The following GPR63 variants were observed in gnomAD, a reference collection of about 807,000 sequenced individuals.
GPR63 encodes the protein G protein-coupled receptor 63.
A neutral mutation model predicts 23.1 loss-of-function variants in GPR63; 12 were observed. That is an observed-to-expected ratio of 0.52 (90% CI 0.33 to 0.84). The LOEUF is 0.84. Ranked by LOEUF, GPR63 falls within the 40% of genes least tolerant of loss-of-function variation. The pLI, the probability that GPR63 is intolerant of heterozygous loss-of-function variation, is 0.02. For missense variants in GPR63, 472 were observed against 515.6 expected, an observed-to-expected ratio of 0.92 and a Z score of 0.82; for synonymous variants, 172 against 191.1, an observed-to-expected ratio of 0.90 and a Z score of 0.82.
intron 1 of GPR63, among the ~76,000 whole-genome samples, chr6:96,824,641 T>TA (rs1011144248): frequency 1.5e-5 from 1 of 68,002 alleles, no homozygotes; most frequent in African/African-American, 6.5e-5. Context: ...TTTGAACTTT[T>TA]AAAAAAATGA....
intron 1 of GPR63, among the ~76,000 whole-genome samples, chr6:96,832,970 G>A (rs1233776744): frequency 1.3e-5 from 2 of 152,126 alleles, no homozygotes; most frequent in South Asian, 2.1e-4. Flanking sequence ...TTCAAGAAAT[G>A]AATAATGCAA....
chr6:96,796,557 T>G lies in GPR63; in HGVS notation c.*1915A>C, dbSNP rs1773583356. 6.6e-6 allele frequency: 1 copy of G among 152,202 alleles called. No individual in the cohort carries two copies. The highest frequency in any genetic ancestry group is 2.4e-5 in the African/African-American group (1 of 41,450). 9.4% of individuals were successfully genotyped at this position (152,202 alleles called of 1,614,324 possible). On this transcript the variant is annotated 3_prime_UTR_variant, in exon 2 of 2. Coordinates refer to ENST00000229955, the MANE Select transcript of GPR63 (RefSeq NM_030784.4). ...GCCCTAGATGCACCTGGGGGCAGAC[T>G]GTCAGCAAGAGAAAAACAATTTGAA...
chr6:96,794,630 AT>A lies in GPR63; in HGVS notation c.*3841del, dbSNP rs1773536698. ...TACACATATTAAAAAGGTTATTTTTATTTTACTTCAATGCTTGCATTGAACA... is the reference window on the plus strand; with the variant it reads ...TACACATATTAAAAAGGTTATTTTTATTTACTTCAATGCTTGCATTGAACA... On this transcript the variant is annotated 3_prime_UTR_variant, in exon 2 of 2. Transcript: ENST00000229955. 6.6e-6 allele frequency: 1 copy of A among 152,212 alleles called. No individual in the cohort carries two copies. The highest frequency in any genetic ancestry group is 1.9e-4 in the East Asian group (1 of 5,198). 9.4% of individuals were successfully genotyped at this position (152,212 alleles called of 1,614,324 possible). A position where few individuals can be genotyped will look rare whatever the true frequency, so the allele number is the denominator to read the frequency against.
At chr6:96,831,034 T>G (rs1346009979) in intron 1 of GPR63, among the ~76,000 whole-genome samples, 2 of 152,376 alleles carry the variant, frequency 1.3e-5, no homozygotes, top group South Asian at 2.1e-4. Context: ...CTAAATTTTG[T>G]AAATTTAAAC....
rs1186700984 is a variant in GPR63 at position 96,797,136 on chromosome 6, C to G, written c.*1336G>C. The G allele has an allele frequency of 6.6e-6, 1 of 152,070 alleles. No individual in the cohort carries two copies. The highest frequency in any genetic ancestry group is 1.5e-5 in the Non-Finnish European group (1 of 68,030). The allele number at this position is 152,070 out of a possible 1,614,324, so 9.4% of individuals were successfully genotyped here. ...GTTCCAGCTATTCAGGAGGCTGAGA[C>G]AGGAGGATTACCTGAGCCTGGGAGG... is the stretch of plus-strand genomic sequence containing the variant. On this transcript the variant is annotated 3_prime_UTR_variant, in exon 2 of 2. Transcript: ENST00000229955.
rs1773651261 is a variant in GPR63, at chr6:96,798,488, T to C, written c.1244A>G (p.His415Arg). 1.2e-5 allele frequency: 19 copies of C among 1,612,842 alleles called. No individual in the cohort carries two copies. The highest frequency in any genetic ancestry group is 1.6e-5 in the Non-Finnish European group (19 of 1,178,918). The change falls in exon 2 of 2, where the codon CAT (histidine) becomes CGT (arginine). Residue 415 changes from histidine (H) to arginine (R), a missense_variant. Physicochemically the swap from His to Arg is conservative, Grantham distance 29 (BLOSUM62 0). Coordinates refer to ENST00000229955, the MANE Select transcript of GPR63 (RefSeq NM_030784.4). ...TTCCAATATTCACACCACCGTCCGA[T>C]GTTCCCCACACACATAGACAGCACT... is the stretch of plus-strand genomic sequence containing the variant. The part of the protein sequence containing the change: ...RPSAVYVCGE[H>R]RTVV
chr6:96,832,396 C>G (rs1274983489), intron 1 of GPR63, among the ~76,000 whole-genome samples: 1 of 151,368 alleles, frequency 6.6e-6, no homozygotes, highest in African/African-American at 2.4e-5. Context: ...TCGCAAGTAG[C>G]TGGGACCACA....
chr6:96,835,274 A>G (rs1428248810), intron 1 of GPR63, among the ~76,000 whole-genome samples: 9 of 152,184 alleles, frequency 5.9e-5, no homozygotes, highest in Non-Finnish European at 1.0e-4. Context: ...TTCCTGGTGC[A>G]CATGTATTAT....
intron 1 of GPR63, among the ~76,000 whole-genome samples, chr6:96,828,037 T>C (rs1199609835): frequency 1.3e-5 from 2 of 152,142 alleles, no homozygotes; most frequent in Non-Finnish European, 2.9e-5. Flanking sequence ...AGAACTAAAA[T>C]ACTCAACAAC....
chr6:96,811,915 G>C (rs1436896247), intron 1 of GPR63, among the ~76,000 whole-genome samples: 2 of 151,162 alleles, frequency 1.3e-5, no homozygotes, highest in Non-Finnish European at 3.0e-5. Flanking sequence ...CACCTTCATT[G>C]GGCAACCTAC....
rs1385038410 is a variant in GPR63, at chr6:96,795,822, T to C, written c.*2650A>G. ...GTCTAATAAAAAATGTCCTTATCAA[T>C]ATCTGCTTGAAATCTAGTTTATATG... On this transcript the variant is annotated 3_prime_UTR_variant, in exon 2 of 2. Coordinates refer to ENST00000229955, the MANE Select transcript of GPR63 (RefSeq NM_030784.4). 1 of 152,196 alleles carries C rather than the reference T, an allele frequency of 6.6e-6. No individual in the cohort carries two copies. The highest frequency in any genetic ancestry group is 1.5e-5 in the Non-Finnish European group (1 of 68,038). 9.4% of individuals were successfully genotyped at this position (152,196 alleles called of 1,614,324 possible).
intron 1 of GPR63, among the ~76,000 whole-genome samples, chr6:96,822,447 T>A (rs1457244051): frequency 6.6e-6 from 1 of 152,168 alleles, no homozygotes; most frequent in Non-Finnish European, 1.5e-5. Context: ...GTTTTAGTAT[T>A]CAAAGTGGCC....
chr6:96,820,097 T>A (rs991603385), intron 1 of GPR63, among the ~76,000 whole-genome samples: 21 of 152,094 alleles, frequency 1.4e-4, no homozygotes, highest in African/African-American at 5.1e-4. Context: ...AGTAGTTTTC[T>A]TATAGTCAGA....
chr6:96,797,333 T>G lies in GPR63; in HGVS notation c.*1139A>C, dbSNP rs1773615821. 6.6e-6 allele frequency: 1 copy of G among 152,222 alleles called. No homozygotes were observed. Among genetic ancestry groups the G allele is most frequent in the Non-Finnish European group, 1.5e-5 (1 of 68,040 alleles). 9.4% of individuals were successfully genotyped at this position (152,222 alleles called of 1,614,324 possible). A position where few individuals can be genotyped will look rare whatever the true frequency, so the allele number is the denominator to read the frequency against. ...GGTAGTTAGAAAATAAAGGCTAATTTTTAAAAAGAATATCATAGTCTAAAA... is the reference window on the plus strand; with the variant it reads ...GGTAGTTAGAAAATAAAGGCTAATTGTTAAAAAGAATATCATAGTCTAAAA... On this transcript the variant is annotated 3_prime_UTR_variant, in exon 2 of 2. Coordinates refer to ENST00000229955, the MANE Select transcript of GPR63 (RefSeq NM_030784.4).
intron 1 of GPR63, among the ~76,000 whole-genome samples, chr6:96,833,345 T>C (rs1774639960): frequency 6.6e-6 from 1 of 152,230 alleles, no homozygotes; most frequent in South Asian, 2.1e-4. Context: ...ATAGATTTAA[T>C]TGATTCTCAA....
At chr6:96,834,219 G>A (rs144887467) in intron 1 of GPR63, among the ~76,000 whole-genome samples, 1 of 152,258 alleles carries the variant, frequency 6.6e-6, no homozygotes, top group African/African-American at 2.4e-5. Context: ...TACAAGCATG[G>A]CATACCGCCT....
chr6:96,799,318 G>A lies in GPR63; in HGVS notation c.414C>T (p.Ala138=), dbSNP rs536956795. 6.2e-7 allele frequency: 1 copy of A among 1,614,090 alleles called. No homozygotes were observed. The highest frequency in any genetic ancestry group is 8.5e-7 in the Non-Finnish European group (1 of 1,180,020). The change falls in exon 2 of 2, where the codon GCC becomes GCT. Residue 138 remains alanine (A), a synonymous_variant. Transcript: ENST00000229955. ...ATCGGGTAGTAAGAATAGTTACCAG[G>A]GCAAAGGGCATGTTCAGCACTGCAA... ...MLLAVLNMPF[A]LVTILTTRWI...
At chr6:96,816,432 TAA>T (rs1774165178) in intron 1 of GPR63, among the ~76,000 whole-genome samples, 2 of 152,140 alleles carry the variant, frequency 1.3e-5, no homozygotes. Flanking sequence ...TTCTAGCAAA[TAA>T]AGTCAAGCCT....
At chr6:96,811,950 T>C (rs1774056933) in intron 1 of GPR63, among the ~76,000 whole-genome samples, 1 of 152,012 alleles carries the variant, frequency 6.6e-6, no homozygotes, top group African/African-American at 2.4e-5. Context: ...GAATACTCTA[T>C]AAATTTAGAT....
Sources: gnomAD v4.1 joint callset for allele counts (sites outside exome capture counted in the v4.1 genomes callset) on GRCh38, gnomAD v4.1.1 for gene constraint, MANE v1.5 for transcripts, NCBI Gene and HGNC (gene_info 2026-07-23, HGNC 2026-07-21) for gene names.